The following ADARB2 variants were observed in gnomAD, a reference collection of about 807,000 sequenced individuals.
ADARB2 encodes adenosine deaminase RNA specific B2 (inactive).
In ADARB2, 25 loss-of-function variants were observed where a neutral mutation model predicts 62.2. That is an observed-to-expected ratio of 0.40 (90% CI 0.29 to 0.56). The LOEUF (loss-of-function observed/expected upper bound fraction) is 0.56, where lower values mean the gene tolerates loss of function less well. ADARB2 is among the 20% of genes least tolerant of loss of function. The probability of loss-of-function intolerance (pLI) is 0.43; values close to 1 mark genes in which losing one functional copy is unlikely to be tolerated. For missense variants in ADARB2, 1,071 were observed against 1,077.4 expected (o/e 0.99, Z 0.08); for synonymous variants, 572 against 500.8 (o/e 1.14, Z -1.90).
intron 1 of ADARB2, among the ~76,000 whole-genome samples, chr10:1,392,266 C>A (rs902453997): frequency 6.6e-6 from 1 of 152,116 alleles, no homozygotes; most frequent in Non-Finnish European, 1.5e-5. Flanking sequence ...AGTTACATAA[C>A]CGGGATTGGG....
At chr10:1,638,633 A>G (rs1437682539) in intron 1 of ADARB2, among the ~76,000 whole-genome samples, 2 of 152,302 alleles carry the variant, frequency 1.3e-5, no homozygotes, top group East Asian at 3.9e-4. Context: ...TCTTACAACA[A>G]GCCGATGAGG....
intron 1 of ADARB2, among the ~76,000 whole-genome samples, chr10:1,732,640 G>A (rs1417494669): frequency 6.6e-6 from 1 of 152,210 alleles, no homozygotes; most frequent in Non-Finnish European, 1.5e-5. Context: ...CTCTTGAGCT[G>A]TCAGTGAGCG....
intron 1 of ADARB2, among the ~76,000 whole-genome samples, chr10:1,505,190 GAC>G (rs909132344): frequency 2.2e-4 from 33 of 151,454 alleles, no homozygotes; most frequent in African/African-American, 7.5e-4. Context: ...CACAGGCACC[GAC>G]ACACACACAG....
intron 1 of ADARB2, among the ~76,000 whole-genome samples, chr10:1,696,682 G>T (rs1380243465): frequency 6.6e-6 from 1 of 152,174 alleles, no homozygotes; most frequent in Non-Finnish European, 1.5e-5. Context: ...TGCTTCTCAG[G>T]CCTGCCCAGG....
chr10:1,648,841 G>T (rs1213227713), intron 1 of ADARB2, among the ~76,000 whole-genome samples: 1 of 152,146 alleles, frequency 6.6e-6, no homozygotes. Flanking sequence ...CATGGAGTCA[G>T]CACCACTGTT....
At chr10:1,557,702 G>A (rs1468849371) in intron 1 of ADARB2, among the ~76,000 whole-genome samples, 1 of 152,088 alleles carries the variant, frequency 6.6e-6, no homozygotes, top group Non-Finnish European at 1.5e-5. Context: ...CCAGGTGTTC[G>A]AGACCAGCCT....
rs1836729189 is a variant in ADARB2 at position 1,184,868 on chromosome 10, T to C, written c.2036A>G (p.Tyr679Cys). The part of the protein sequence containing the change: ...HVLSARWARL[Y>C]GRLSTRTPSP... ...AGGATGGGTGCGACCTACCCTGCCA[T>C]ACAGCCGCGCCCACCGTGCAGACAG... Residue 679 changes from tyrosine to cysteine, a missense_variant, in exon 9 of 10, where the codon TAT (tyrosine) becomes TGT (cysteine). By Grantham distance (194) the Tyr-to-Cys change is radical. Transcript: ENST00000381312. The C allele has an allele frequency of 1.9e-6, 3 of 1,612,932 alleles. No homozygotes were observed. Among genetic ancestry groups the C allele is most frequent in the Non-Finnish European group, 2.5e-6 (3 of 1,179,578 alleles).
chr10:1,374,597 G>A (rs1356162286), intron 2 of ADARB2, among the ~76,000 whole-genome samples: 1 of 152,164 alleles, frequency 6.6e-6, no homozygotes, highest in South Asian at 2.1e-4. Context: ...GGGCCAGGCC[G>A]GGTGGGTCTG....
chr10:1,433,796 T>C (rs930926036), intron 1 of ADARB2, among the ~76,000 whole-genome samples: 14 of 152,210 alleles, frequency 9.2e-5, no homozygotes, highest in African/African-American at 3.1e-4. Context: ...GTTCCATTTA[T>C]GTGTATAGAA....
intron 1 of ADARB2, among the ~76,000 whole-genome samples, chr10:1,584,070 T>TG (rs1833142165): frequency 6.6e-6 from 1 of 152,166 alleles, no homozygotes; most frequent in Non-Finnish European, 1.5e-5. Flanking sequence ...GTAGATGACC[T>TG]TAGGTATGAT....
At chr10:1,648,597 A>T (rs10794782) in intron 1 of ADARB2, among the ~76,000 whole-genome samples, 71,512 of 151,936 alleles carry the variant, frequency 0.47, 17,066 homozygotes, top group South Asian at 0.53. Flanking sequence ...CATACGTATA[A>T]GCGATCAAGA....
rs1832451654 is a variant in ADARB2, at chr10:1,542,774, A to ATGTAGTTCAGACCCTGGATCACAGC, written c.101-163615_101-163614insGCTGTGATCCAGGGTCTGAACTACA. Among the ~76,000 whole-genome samples the ATGTAGTTCAGACCCTGGATCACAGC allele has an allele frequency of 4.4e-5, 4 of 90,486 alleles. 1 individual carries two copies. The highest frequency in any genetic ancestry group is 3.6e-4 in the Admixed American group (3 of 8,278). The allele number at this position is 90,486 out of a possible 152,430, so 59.4% of individuals were successfully genotyped here. On this transcript the variant is annotated intron_variant, in intron 1 of 9. Transcript: ENST00000381312. ...TCACAGCCGCCCAGACCCCACTCAG[A>ATGTAGTTCAGACCCTGGATCACAGC]CGCAGTTCAGACCCTGGATCACAGC...
At chr10:1,500,453 G>A (rs992327216) in intron 1 of ADARB2, among the ~76,000 whole-genome samples, 5 of 152,226 alleles carry the variant, frequency 3.3e-5, no homozygotes, top group Admixed American at 3.3e-4. Context: ...AAGGCCGCAT[G>A]ACAAAAACAG....
At chr10:1,262,483 C>T (rs1375424142) in intron 4 of ADARB2, among the ~76,000 whole-genome samples, 1 of 151,992 alleles carries the variant, frequency 6.6e-6, no homozygotes, top group Non-Finnish European at 1.5e-5. Flanking sequence ...AAGGTATGAA[C>T]AGACACTTCT....
At chr10:1,733,854 A>C (rs551272626) in intron 1 of ADARB2, among the ~76,000 whole-genome samples, 22 of 152,296 alleles carry the variant, frequency 1.4e-4, no homozygotes, top group African/African-American at 5.3e-4. Context: ...GGCAGGTAAC[A>C]GTCTCCATAA....
At chr10:1,418,775 A>T (rs968308641) in intron 1 of ADARB2, among the ~76,000 whole-genome samples, 5 of 152,186 alleles carry the variant, frequency 3.3e-5, no homozygotes, top group African/African-American at 1.2e-4. Flanking sequence ...GAGCATTCCA[A>T]AGTTCAGCAA....
chr10:1,445,412 T>C (rs1830958273), intron 1 of ADARB2, among the ~76,000 whole-genome samples: 1 of 149,482 alleles, frequency 6.7e-6, no homozygotes, highest in African/African-American at 2.5e-5. Flanking sequence ...TCTACATCCA[T>C]CCATCCTTCC....
At chr10:1,674,050 G>A (rs895689290) in intron 1 of ADARB2, among the ~76,000 whole-genome samples, 2 of 152,240 alleles carry the variant, frequency 1.3e-5, no homozygotes, top group African/African-American at 2.4e-5. Flanking sequence ...TACAGGAGAA[G>A]GTTTAGCTGC....
At position 1,181,425 on chromosome 10, in the gene ADARB2, C is replaced by T. The variant is rs1050160770; in HGVS notation, c.*1768G>A. 1.3e-5 allele frequency: 2 copies of T among 152,172 alleles called. No homozygotes were observed. Among genetic ancestry groups the T allele is most frequent in the Admixed American group, 1.3e-4 (2 of 15,282 alleles). The allele number at this position is 152,172 out of a possible 1,614,324, so 9.4% of individuals were successfully genotyped here. A position where few individuals can be genotyped will look rare whatever the true frequency, so the allele number is the denominator to read the frequency against. ...AGTCCTTTATTTGAAAAAATGTTCT[C>T]GTATCTTTTGAAACTTTATCTGGAA... On this transcript the variant is annotated 3_prime_UTR_variant, in exon 10 of 10. Coordinates refer to ENST00000381312, the MANE Select transcript of ADARB2 (RefSeq NM_018702.4).
Sources: gnomAD v4.1 joint callset for allele counts (sites outside exome capture counted in the v4.1 genomes callset) on GRCh38, gnomAD v4.1.1 for gene constraint, MANE v1.5 for transcripts, NCBI Gene and HGNC (gene_info 2026-07-23, HGNC 2026-07-21) for gene names.